CCAR1: variants seen among roughly 807,000 people sequenced by gnomAD.
CCAR1 encodes cell division cycle and apoptosis regulator protein 1.
In CCAR1, 78 loss-of-function variants were observed where a neutral mutation model predicts 163.8. That is an observed-to-expected ratio of 0.48 (90% CI 0.40 to 0.57). The LOEUF (loss-of-function observed/expected upper bound fraction) is 0.57, where lower values mean the gene tolerates loss of function less well. Ranked by LOEUF, CCAR1 falls within the 20% of genes least tolerant of loss-of-function variation. The pLI, the probability that CCAR1 is intolerant of heterozygous loss-of-function variation, is 0.00. For missense variants in CCAR1, 1,019 were observed against 1,365.2 expected (o/e 0.75, Z 4.00); for synonymous variants, 443 against 460.7 (o/e 0.96, Z 0.49).
chr10:68,741,334 CATT>C (rs1438251239), intron 5 of CCAR1, among the ~76,000 whole-genome samples: 1 of 152,150 alleles, frequency 6.6e-6, no homozygotes, highest in Non-Finnish European at 1.5e-5. Flanking sequence ...TATTGTGTGA[CATT>C]ATCTGCTTAA....
Position 68,751,673 on chromosome 10 carries a change from G to A in CCAR1, c.1118+1988G>A, listed in dbSNP as rs553677953. ...AGGTCAGGAGTTCAAGGCCAGCCTG[G>A]CCAACATGGTGAAACTCCATCTCTA... is the stretch of plus-strand genomic sequence containing the variant. On this transcript the variant is annotated intron_variant, in intron 10 of 24. Transcript: ENST00000265872. Among the ~76,000 whole-genome samples the A allele has an allele frequency of 1.7e-3, 254 of 151,782 alleles. 5 individuals are homozygous for A. Among genetic ancestry groups the A allele is most frequent in the African/African-American group, 5.7e-3 (238 of 41,472 alleles).
In CCAR1 at chr10:68,722,617, G is replaced by A; in HGVS notation, c.73+40G>A. On this transcript the variant is annotated intron_variant, in intron 2 of 24. Coordinates refer to ENST00000265872, the MANE Select transcript of CCAR1 (RefSeq NM_018237.4). ...TACATGTACTGTAATTGTTTGTGGG[G>A]GACTTGTTAAAACTACGTGAATTAG... 1.0e-5 allele frequency: 15 copies of A among 1,503,642 alleles called. 2 individuals carry two copies. In the South Asian group the frequency reaches 1.4e-4, roughly 14 times the overall value. The allele number at this position is 1,503,642 out of a possible 1,614,324, so 93.1% of individuals were successfully genotyped here.
intron 19 of CCAR1, among the ~76,000 whole-genome samples, chr10:68,784,308 C>T (rs899281195): frequency 2.6e-5 from 4 of 151,724 alleles, no homozygotes; most frequent in African/African-American, 4.8e-5. Context: ...CTCTGCCTCC[C>T]GGGTTCACAC....
intron 19 of CCAR1, among the ~76,000 whole-genome samples, chr10:68,778,837 T>C (rs926974162): frequency 1.3e-5 from 2 of 152,158 alleles, no homozygotes; most frequent in Non-Finnish European, 2.9e-5. Context: ...CTGTTAAGTT[T>C]CCTGGAGACT....
intron 24 of CCAR1, among the ~76,000 whole-genome samples, chr10:68,790,864 C>CA (rs758116859): frequency 0.015 from 1,707 of 111,234 alleles, 11 homozygotes; most frequent in African/African-American, 0.021. Flanking sequence ...GACTCTGTCT[C>CA]AAAAAAAAAA....
chr10:68,744,181 A>G lies in CCAR1; in HGVS notation c.518+1612A>G, dbSNP rs566691955. Among the ~76,000 whole-genome samples the G allele has an allele frequency of 2.9e-3, 443 of 152,314 alleles. 3 individuals carry two copies. Among genetic ancestry groups the G allele is most frequent in the African/African-American group, 9.9e-3 (413 of 41,560 alleles). On this transcript the variant is annotated intron_variant, in intron 6 of 24. Transcript: ENST00000265872. The stretch of plus-strand genomic sequence containing the variant: ...ATTATAGGCGTGAACCACTGCGCCT[A>G]GCCAGTTTAGCTATAATTTTGTATT...
intron 10 of CCAR1, among the ~76,000 whole-genome samples, chr10:68,753,476 A>C (rs1448996758): frequency 6.6e-6 from 1 of 152,124 alleles, no homozygotes; most frequent in Non-Finnish European, 1.5e-5. Flanking sequence ...AAATACTAAT[A>C]CTCTCATTGC....
rs369654298 is a variant in CCAR1 at position 68,790,625 on chromosome 10, C to T, written c.3394-582C>T. 2.4e-4 allele frequency among the ~76,000 whole-genome samples: 36 copies of T among 152,066 alleles called. No homozygotes were observed. In the East Asian group the frequency reaches 5.4e-3, roughly 23 times the overall value. Reference sequence around the variant, plus strand: ...CTCACTGCAGCCTCTGCCTCCTAGGCTCACGTGATCCTCCCACCTCAGCCT... The same window carrying T: ...CTCACTGCAGCCTCTGCCTCCTAGGTTCACGTGATCCTCCCACCTCAGCCT... On this transcript the variant is annotated intron_variant, in intron 24 of 24. Coordinates refer to ENST00000265872, the MANE Select transcript of CCAR1 (RefSeq NM_018237.4).
intron 2 of CCAR1, among the ~76,000 whole-genome samples, chr10:68,734,089 G>T (rs965067297): frequency 5.3e-5 from 8 of 152,054 alleles, no homozygotes; most frequent in African/African-American, 1.9e-4. Context: ...TATTTTAAAT[G>T]AAATTAGACT....
At chr10:68,762,345 A>G (rs1463281053) in intron 16 of CCAR1, among the ~76,000 whole-genome samples, 1 of 37,448 alleles carries the variant, frequency 2.7e-5, no homozygotes, top group Non-Finnish European at 4.9e-5. Context: ...AAAACAAAAC[A>G]AAAAACAAAC....
chr10:68,737,758 T>C, intron 3 of CCAR1, 87 bp from the exon 4 acceptor site: 2 of 683,026 alleles, frequency 2.9e-6, no homozygotes, highest in South Asian at 3.6e-5. Context: ...AGTGTAATTG[T>C]ATGTATTTCT....
At chr10:68,777,937 A>C (rs2056688340) in intron 19 of CCAR1, among the ~76,000 whole-genome samples, 2 of 151,960 alleles carry the variant, frequency 1.3e-5, no homozygotes, top group Admixed American at 1.3e-4. Context: ...GTCTGAAAAG[A>C]AGGCCGGGTG....
intron 11 of CCAR1, 54 bp downstream of exon 11, chr10:68,754,131 A>G: frequency 8.2e-7 from 1 of 1,225,946 alleles, no homozygotes; most frequent in Non-Finnish European, 1.2e-6. Context: ...TATTCATAAT[A>G]AAAGGGTATG....
At chr10:68,757,613 A>G (rs1038004267) in intron 15 of CCAR1, among the ~76,000 whole-genome samples, 1 of 151,706 alleles carries the variant, frequency 6.6e-6, no homozygotes, top group African/African-American at 2.4e-5. Context: ...ACAAGGTTTC[A>G]GAATGTTGGC....
chr10:68,721,860 G>T (rs891045692), intron 1 of CCAR1, among the ~76,000 whole-genome samples: 1 of 152,134 alleles, frequency 6.6e-6, no homozygotes, highest in Non-Finnish European at 1.5e-5. Flanking sequence ...GGTTTATCTT[G>T]GGGGGAGGGG....
At chr10:68,724,824 T>TA (rs1477842407) in intron 2 of CCAR1, among the ~76,000 whole-genome samples, 4 of 152,054 alleles carry the variant, frequency 2.6e-5, no homozygotes, top group African/African-American at 9.7e-5. Flanking sequence ...AGAATTTAGT[T>TA]ACTAGACAAA....
Position 68,760,642 on chromosome 10 carries a change from G to A in CCAR1, c.1921-365G>A, listed in dbSNP as rs933722822. On this transcript the variant is annotated intron_variant, in intron 15 of 24. Coordinates refer to ENST00000265872, the MANE Select transcript of CCAR1 (RefSeq NM_018237.4). ...CCAGCACTTTGGGAGGCCAAGGCAG[G>A]CTGATCACGAGGTCTGGAGTTCGAG... Among the ~76,000 whole-genome samples the A allele has an allele frequency of 7.9e-5, 12 of 152,304 alleles. No homozygotes were observed. In the South Asian group the frequency reaches 1.7e-3, roughly 21 times the overall value.
chr10:68,784,024 C>T (rs377343463), intron 19 of CCAR1, among the ~76,000 whole-genome samples: 4 of 152,218 alleles, frequency 2.6e-5, no homozygotes, highest in African/African-American at 7.2e-5. Context: ...TCCCAAAGTG[C>T]TGGGATTACA....
At chr10:68,768,455 C>G (rs1367403573) in intron 17 of CCAR1, among the ~76,000 whole-genome samples, 2 of 151,578 alleles carry the variant, frequency 1.3e-5, no homozygotes, top group Admixed American at 6.6e-5. Flanking sequence ...ACTAAAAATA[C>G]AAAAAATTAG....
Sources: allele counts gnomAD v4.1 joint callset (sites outside exome capture counted in the v4.1 genomes callset), GRCh38; gene constraint gnomAD v4.1.1; transcripts MANE v1.5; gene names NCBI Gene and HGNC (gene_info 2026-07-23, HGNC 2026-07-21).